CEP95: variants seen among roughly 807,000 people sequenced by gnomAD.
CEP95 encodes the protein centrosomal protein 95.
A neutral mutation model predicts 111.2 loss-of-function variants in CEP95; 98 were observed. The observed-to-expected ratio is 0.88, with a 90% confidence interval of 0.75 to 1.04. The LOEUF (loss-of-function observed/expected upper bound fraction) is 1.04. Ranked by LOEUF, CEP95 falls within the 50% of genes least tolerant of loss-of-function variation. The pLI is 0.00. For synonymous variants in CEP95, 323 were observed against 327.1 expected (o/e 0.99, Z 0.14); for missense variants, 1,027 against 977.2 (o/e 1.05, Z -0.68).
Position 64,532,919 on chromosome 17 carries a change from A to G in CEP95, c.1753A>G (p.Lys585Glu). ...FLYVSGPTLS[K>E]MWKQQIAQVE... Reference sequence around the variant, plus strand: ...TTATGTTTCTGGCCCAACACTAAGCAAAATGTGGAAACAGCAAATTGCACA... The same window carrying G: ...TTATGTTTCTGGCCCAACACTAAGCGAAATGTGGAAACAGCAAATTGCACA... The change falls in exon 15 of 20, where the codon AAA becomes GAA. Residue 585 changes from lysine to glutamate, a missense_variant. Lys to Glu is a moderately conservative substitution (Grantham distance 56). Coordinates refer to ENST00000556440, the MANE Select transcript of CEP95 (RefSeq NM_138363.3). 6.2e-7 allele frequency: 1 copy of G among 1,613,948 alleles called. No homozygotes were observed. The highest frequency in any genetic ancestry group is 8.5e-7 in the Non-Finnish European group (1 of 1,179,860).
intron 6 of CEP95, among the ~76,000 whole-genome samples, chr17:64,520,967 G>A (rs1411095298): frequency 5.9e-5 from 9 of 152,162 alleles, no homozygotes; most frequent in East Asian, 3.9e-4. Context: ...ATTATGGCCC[G>A]TCACAGTGGC....
chr17:64,519,510 G>A (rs1445489540), intron 6 of CEP95, 74 bp downstream of exon 6: 1 of 1,094,840 alleles, frequency 9.1e-7, no homozygotes, highest in African/African-American at 1.6e-5. Context: ...ATGTAGGAGT[G>A]TTTAAAATTG....
chr17:64,515,890 G>A (rs2039112783), intron 4 of CEP95: 1 of 152,154 alleles, frequency 6.6e-6, no homozygotes, highest in Non-Finnish European at 1.5e-5. Flanking sequence ...ACTGAAGAAG[G>A]AGGGGTTCGA....
Position 64,522,823 on chromosome 17 carries a change from A to G in CEP95, c.837A>G (p.Gly279=). ...AGCCTCGAGCACCCTGCCCCATAGG[A>G]AAAGAATACTTGCATTCAAGTCACT... ...PSEPRAPCPI[G]KEYLHSSHCS... is the part of the protein sequence containing the mutation. Residue 279 remains glycine (G), a synonymous_variant, in exon 8 of 20, where the codon GGA becomes GGG. Coordinates refer to ENST00000556440, the MANE Select transcript of CEP95 (RefSeq NM_138363.3). 1.2e-6 allele frequency: 2 copies of G among 1,613,802 alleles called. No homozygotes were observed. The highest frequency in any genetic ancestry group is 1.7e-5 in the Admixed American group (1 of 59,992).
intron 14 of CEP95, chr17:64,532,414 T>G (rs1248190002): frequency 1.0e-6 from 1 of 985,260 alleles, no homozygotes; most frequent in Non-Finnish European, 1.2e-6. Flanking sequence ...TAGAGTCTTG[T>G]TACAAGAAAC....
intron 1 of CEP95, 35 bp downstream of exon 1, chr17:64,507,151 C>T: frequency 6.4e-7 from 1 of 1,551,376 alleles, no homozygotes; most frequent in Non-Finnish European, 8.7e-7. Context: ...TATGTGTGGA[C>T]TGAAACCGTC....
At chr17:64,518,626 T>C (rs1274500903) in intron 5 of CEP95, among the ~76,000 whole-genome samples, 3 of 152,162 alleles carry the variant, frequency 2.0e-5, no homozygotes, top group Middle Eastern at 3.2e-3. Context: ...AATGCCTTCT[T>C]TTTTAGGTAT....
rs1555678328 is a variant in CEP95, at chr17:64,522,888, T to A, written c.902T>A (p.Phe301Tyr). The A allele has an allele frequency of 6.2e-7, 1 of 1,607,014 alleles. No individual in the cohort carries two copies. Among genetic ancestry groups the A allele is most frequent in the Non-Finnish European group, 8.5e-7 (1 of 1,176,766 alleles). The change falls in exon 8 of 20, where the codon TTT (phenylalanine) becomes TAT (tyrosine). Residue 301 changes from phenylalanine to tyrosine, a missense_variant. Coordinates refer to ENST00000556440, the MANE Select transcript of CEP95 (RefSeq NM_138363.3). ...AVNSTGEHTEFSGDLDDGLFL... is the reference protein window; with the variant it reads ...AVNSTGEHTEYSGDLDDGLFL... ...AATTCTACTGGAGAGCATACGGAAT[T>A]TTCTGGGGTAAGTGGAAAAGCTTAC...
chr17:64,518,831 C>T (rs1375485548), intron 5 of CEP95, among the ~76,000 whole-genome samples: 1 of 152,122 alleles, frequency 6.6e-6, no homozygotes, highest in African/African-American at 2.4e-5. Context: ...CAGGCGCCTG[C>T]CACCACGTCC....
At chr17:64,523,445 A>G (rs782789679) in intron 8 of CEP95, among the ~76,000 whole-genome samples, 5 of 152,066 alleles carry the variant, frequency 3.3e-5, no homozygotes, top group Non-Finnish European at 7.4e-5. Context: ...ATAACCATCC[A>G]TGCATATTCC....
chr17:64,527,922 C>G (rs945792436), intron 11 of CEP95, among the ~76,000 whole-genome samples: 13 of 148,626 alleles, frequency 8.7e-5, no homozygotes, highest in Non-Finnish European at 1.3e-4. Flanking sequence ...GTAGCACTAT[C>G]TATTTCCCCT....
rs1256135324 is a variant in CEP95 at position 64,536,738 on chromosome 17, A to G, written c.2207A>G (p.Tyr736Cys). The G allele has an allele frequency of 6.9e-6, 11 of 1,603,256 alleles. No individual in the cohort carries two copies. The highest frequency in any genetic ancestry group is 5.3e-5 in the Admixed American group (3 of 56,880). ...GAACTGGACTCCATGGAGAACTACT[A>G]TAAGGACCAGGTGGGCTCCTGGCAC... ...QDELDSMENY[Y>C]KDQFSLLAEA... Residue 736 changes from tyrosine to cysteine, a missense_variant, in exon 18 of 20, where the codon TAT becomes TGT. Tyr to Cys is a radical substitution (Grantham distance 194). Coordinates refer to ENST00000556440, the MANE Select transcript of CEP95 (RefSeq NM_138363.3).
chr17:64,537,360 A>G (rs1404211368), intron 19 of CEP95: 15 of 1,403,714 alleles, frequency 1.1e-5, no homozygotes, highest in African/African-American at 4.3e-5. Context: ...TTTAGGAAGT[A>G]GAAAACCAAA....
rs1210554228 is a variant in CEP95, at chr17:64,524,317, A to AT, written c.909+1431dup. 3.2e-4 allele frequency among the ~76,000 whole-genome samples: 49 copies of AT among 151,220 alleles called. No individual in the cohort carries two copies. In the East Asian group the frequency reaches 5.1e-3, roughly 16 times the overall value. ...TATTTAGTAAAAGGTTGTTTGTTTT[A>AT]TTTTTTTTTGAGACAGAGTGTCGCT... On this transcript the variant is annotated intron_variant, in intron 8 of 19. Coordinates refer to ENST00000556440, the MANE Select transcript of CEP95 (RefSeq NM_138363.3).
intron 12 of CEP95, 56 bp downstream of exon 12, chr17:64,529,483 G>T: frequency 6.4e-7 from 1 of 1,561,382 alleles, no homozygotes. Flanking sequence ...TTTCCCCTCA[G>T]CCAGATGCTA....
At chr17:64,522,919 G>C in intron 8 of CEP95, 24 bp downstream of exon 8, 2 of 1,568,092 alleles carry the variant, frequency 1.3e-6, no homozygotes, top group Non-Finnish European at 8.7e-7. Context: ...CTTACTTTCA[G>C]TTGGCTAGAA....
chr17:64,536,523 G>A, intron 17 of CEP95, 79 bp from the exon 18 acceptor site: 2 of 1,007,258 alleles, frequency 2.0e-6, no homozygotes, highest in South Asian at 1.9e-5. Flanking sequence ...AAAACCTTGG[G>A]AAATACAATC....
At chr17:64,518,046 T>C (rs1555676780) in intron 5 of CEP95, among the ~76,000 whole-genome samples, 1 of 152,052 alleles carries the variant, frequency 6.6e-6, no homozygotes, top group Non-Finnish European at 1.5e-5. Flanking sequence ...CTGGCTAATT[T>C]TTGTATCTTT....
Position 64,532,957 on chromosome 17 carries a change from TAAGA to T in CEP95, c.1797_1800del (p.Glu600HisfsTer15), listed in dbSNP as rs1968381707. The T allele has an allele frequency of 1.2e-6, 2 of 1,613,844 alleles. No homozygotes were observed. The highest frequency in any genetic ancestry group is 1.7e-6 in the Non-Finnish European group (2 of 1,179,838). On this transcript the variant is annotated frameshift_variant, in exon 15 of 20. Transcript: ENST00000556440. LOFTEE classifies it high-confidence loss of function. Reference sequence around the variant, plus strand: ...AGCAAATTGCACAGGTTGAACAGCTTAAGAAAGAAGCATGTAGAGAAAATCGATC... The same window carrying T: ...AGCAAATTGCACAGGTTGAACAGCTTAAGAAGCATGTAGAGAAAATCGATC...
Sources: allele counts gnomAD v4.1 joint callset (sites outside exome capture counted in the v4.1 genomes callset), GRCh38; gene constraint gnomAD v4.1.1; transcripts MANE v1.5; gene names NCBI Gene and HGNC (gene_info 2026-07-23, HGNC 2026-07-21).